Variants in COL23A1 observed in about 807,000 individuals in gnomAD.
The protein encoded by COL23A1 is collagen type XXIII alpha 1 chain.
COL23A1 carries 97 observed loss-of-function variants against 99.3 expected under a neutral mutation model. The observed-to-expected ratio is 0.98, with a 90% CI of 0.83 to 1.16. The LOEUF (loss-of-function observed/expected upper bound fraction) is 1.16, where lower values mean the gene tolerates loss of function less well. Among genes scored for constraint, COL23A1 ranks in the 50% most tolerant of loss-of-function variants. The pLI, the probability that COL23A1 is intolerant of heterozygous loss-of-function variation, is 0.00. For synonymous variants in COL23A1, 320 were observed against 308.2 expected (o/e 1.04, Z -0.40); for missense variants, 762 against 757.4 (o/e 1.01, Z -0.07).
chr5:178,319,609 A>G (rs1759176550), intron 2 of COL23A1, among the ~76,000 whole-genome samples: 1 of 152,152 alleles, frequency 6.6e-6, no homozygotes, highest in Admixed American at 6.5e-5. Context: ...GTCCGCTCCC[A>G]GCCGAGCTGA....
At chr5:178,554,188 T>C (rs927669467) in intron 2 of COL23A1, among the ~76,000 whole-genome samples, 2 of 151,874 alleles carry the variant, frequency 1.3e-5, no homozygotes, top group African/African-American at 2.4e-5. Flanking sequence ...CTTCTTTTTT[T>C]TTTTCTTTGA....
chr5:178,348,014 G>C (rs1561884355), intron 2 of COL23A1, among the ~76,000 whole-genome samples: 2 of 151,814 alleles, frequency 1.3e-5, no homozygotes, highest in Non-Finnish European at 2.9e-5. Context: ...CTAGAACTTT[G>C]ATCATCCTCC....
chr5:178,301,989 C>CTG (rs1758071528), intron 3 of COL23A1, among the ~76,000 whole-genome samples: 1 of 31,132 alleles, frequency 3.2e-5, no homozygotes, highest in African/African-American at 1.3e-4. Context: ...CAGCCTCAAT[C>CTG]CACCTCTGTG....
rs540743022 is a variant in COL23A1, at chr5:178,384,207, G to A, written c.362-77288C>T. 7.2e-5 allele frequency among the ~76,000 whole-genome samples: 11 copies of A among 151,858 alleles called. No individual in the cohort carries two copies. In the South Asian group the frequency reaches 1.7e-3, roughly 23 times the overall value. The stretch of plus-strand genomic sequence containing the variant: ...TTAAGATAGTGACAACGAGAGCAGC[G>A]TGGAGCCAGACGCTGCTGCGAGCTG... On this transcript the variant is annotated intron_variant, in intron 2 of 28. Coordinates refer to ENST00000390654, the MANE Select transcript of COL23A1 (RefSeq NM_173465.4). The surrounding 1 kb of genome is among the most constrained non-coding windows in gnomAD (Gnocchi z 5.5).
chr5:178,250,233 C>A, intron 17 of COL23A1, 128 bp from the exon 18 acceptor site: 1 of 915,024 alleles, frequency 1.1e-6, no homozygotes, highest in South Asian at 1.4e-5. Context: ...TCTAGCTGTG[C>A]CAGGACCCAC....
At chr5:178,360,707 G>GT (rs1258872472) in intron 2 of COL23A1, among the ~76,000 whole-genome samples, 21 of 152,332 alleles carry the variant, frequency 1.4e-4, no homozygotes, top group African/African-American at 4.8e-4. Context: ...AACTTGCATG[G>GT]CACACCTGGT....
Position 178,259,763 on chromosome 5 carries a change from G to C in COL23A1, c.703-16C>G, listed in dbSNP as rs768327952. On this transcript the variant is annotated splice_polypyrimidine_tract_variant and intron_variant, in intron 11 of 28. Transcript: ENST00000390654. The stretch of plus-strand genomic sequence containing the variant: ...CAGGCTCACCCTGGGGGAGGCAATG[G>C]GGGGTTCAAGAGCAAGGTCAAAACC... 38 of 1,601,116 alleles carry C rather than the reference G, an allele frequency of 2.4e-5. No individual in the cohort carries two copies. Among genetic ancestry groups the C allele is most frequent in the Non-Finnish European group, 3.2e-5 (37 of 1,172,084 alleles).
intron 2 of COL23A1, among the ~76,000 whole-genome samples, chr5:178,436,803 C>T (rs1766587051): frequency 1.3e-5 from 2 of 152,146 alleles, no homozygotes. Flanking sequence ...CCCTGGCAGG[C>T]TTGGTAAAAA....
chr5:178,536,202 C>G (rs645789), intron 2 of COL23A1, among the ~76,000 whole-genome samples: 1 of 151,916 alleles, frequency 6.6e-6, no homozygotes, highest in African/African-American at 2.4e-5. Flanking sequence ...CGGCTGGGGA[C>G]GCGGCTCATG....
In COL23A1 at chr5:178,427,403, C is replaced by A. The variant is rs769417398; in HGVS notation, c.362-120484G>T. 1.2e-3 allele frequency among the ~76,000 whole-genome samples: 188 copies of A among 152,296 alleles called. 1 individual carries two copies. The highest frequency in any genetic ancestry group is 1.3e-3 in the Non-Finnish European group (90 of 68,030). ...AACATACTCTTGCCATATGCTCCAG[C>A]TATCTTGCTCCTTGGTATTTACACA... On this transcript the variant is annotated intron_variant, in intron 2 of 28. Transcript: ENST00000390654.
rs1298235476 is a variant in COL23A1, at chr5:178,468,325, A to G, written c.361+92357T>C. Among the ~76,000 whole-genome samples, 1 of 152,022 alleles carries G rather than the reference A, an allele frequency of 6.6e-6. No individual in the cohort carries two copies. Among genetic ancestry groups the G allele is most frequent in the Admixed American group, 6.6e-5 (1 of 15,254 alleles). ...GCTCATTAATAGGCCAGAGGGTGAG[A>G]GAGAACACGGAGGTGCAAGACAGGG... On this transcript the variant is annotated intron_variant, in intron 2 of 28. Transcript: ENST00000390654. The surrounding 1 kb of genome is among the most constrained non-coding windows in gnomAD (Gnocchi z 4.2).
At chr5:178,319,896 CT>C (rs1414065619) in intron 2 of COL23A1, among the ~76,000 whole-genome samples, 3 of 151,136 alleles carry the variant, frequency 2.0e-5, no homozygotes, top group Non-Finnish European at 4.4e-5. Context: ...CCCGCCCTAT[CT>C]GCCCACTGCT....
chr5:178,246,247 C>T lies in COL23A1; in HGVS notation c.1413+7G>A, dbSNP rs375981273. 63 of 1,553,128 alleles carry T rather than the reference C, an allele frequency of 4.1e-5. No homozygotes were observed. Among genetic ancestry groups the T allele is most frequent in the Admixed American group, 2.2e-4 (11 of 51,088 alleles). ...GTTGGAGAGGGAGTTCCGAATGAGG[C>T]GGTTACCTTCTCTCCTTTGGTTCCT... On this transcript the variant is annotated splice_region_variant and intron_variant, in intron 24 of 28. Transcript: ENST00000390654.
At chr5:178,462,211 C>A (rs1486476234) in intron 2 of COL23A1, among the ~76,000 whole-genome samples, 1 of 152,228 alleles carries the variant, frequency 6.6e-6, no homozygotes, top group Non-Finnish European at 1.5e-5. Context: ...TGTCATTTCA[C>A]AGATGACATG....
In COL23A1 at chr5:178,280,054, C is replaced by T. The variant is rs375851894; in HGVS notation, c.441+8270G>A. Among the ~76,000 whole-genome samples the T allele has an allele frequency of 1.3e-5, 2 of 152,232 alleles. No homozygotes were observed. The highest frequency in any genetic ancestry group is 6.5e-5 in the Admixed American group (1 of 15,292). Reference sequence around the variant, plus strand: ...ACATAACGAGAACACAGTAAATACCCGCTGAATGGATCAACAACGGTGAAG... The same window carrying T: ...ACATAACGAGAACACAGTAAATACCTGCTGAATGGATCAACAACGGTGAAG... On this transcript the variant is annotated intron_variant, in intron 5 of 28. Coordinates refer to ENST00000390654, the MANE Select transcript of COL23A1 (RefSeq NM_173465.4). The surrounding 1 kb of genome is among the most constrained non-coding windows in gnomAD (Gnocchi z 4.9).
At chr5:178,523,784 ACATTC>A (rs1760156469) in intron 2 of COL23A1, 2 of 152,244 alleles carry the variant, frequency 1.3e-5, no homozygotes, top group Non-Finnish European at 2.9e-5. Context: ...CAGGCAACGC[ACATTC>A]CAGATTCTGA....
chr5:178,417,404 T>C (rs150041948), intron 2 of COL23A1, among the ~76,000 whole-genome samples: 271 of 152,312 alleles, frequency 1.8e-3, no homozygotes, highest in African/African-American at 6.2e-3. Context: ...ACCTCGCCAG[T>C]ATTTTTACAG....
At chr5:178,285,528 T>C (rs1757105217) in intron 5 of COL23A1, among the ~76,000 whole-genome samples, 1 of 152,252 alleles carries the variant, frequency 6.6e-6, no homozygotes, top group Non-Finnish European at 1.5e-5. Flanking sequence ...CCATCTTTTC[T>C]TCTATTGAGA....
At chr5:178,353,233 A>G (rs1234000959) in intron 2 of COL23A1, among the ~76,000 whole-genome samples, 1 of 150,466 alleles carries the variant, frequency 6.6e-6, no homozygotes, top group African/African-American at 2.5e-5. Flanking sequence ...AAAAGAATGG[A>G]GCAAAATGAA....
Sources: allele counts gnomAD v4.1 joint callset (sites outside exome capture counted in the v4.1 genomes callset), GRCh38; gene constraint gnomAD v4.1.1; non-coding constraint Gnocchi (gnomAD v3.1); transcripts MANE v1.5; gene names NCBI Gene and HGNC (gene_info 2026-07-23, HGNC 2026-07-21).